The following NEGR1 variants were observed in gnomAD, a reference collection of about 807,000 sequenced individuals.
NEGR1 encodes neuronal growth regulator 1, also known as IgLON family member 4.
In NEGR1, 10 loss-of-function variants were observed where a neutral mutation model predicts 40.9. The observed-to-expected ratio is 0.24, with a 90% confidence interval of 0.15 to 0.42. NEGR1 has a LOEUF of 0.42. Among genes scored for constraint, NEGR1 ranks in the 10% least tolerant of loss-of-function variants. The pLI, the probability that NEGR1 is intolerant of heterozygous loss-of-function variation, is 1.00. For synonymous variants in NEGR1, 185 were observed against 166.8 expected (o/e 1.11, Z -0.84); for missense variants, 352 against 438.9 (o/e 0.80, Z 1.77).
At chr1:71,567,136 A>C (rs975113004) in intron 6 of NEGR1, among the ~76,000 whole-genome samples, 1 of 152,162 alleles carries the variant, frequency 6.6e-6, no homozygotes, top group African/African-American at 2.4e-5. Context: ...ACAGAAGAGA[A>C]TACATCTCAA....
intron 3 of NEGR1, among the ~76,000 whole-genome samples, chr1:71,762,629 G>A (rs1475153056): frequency 6.6e-6 from 1 of 152,028 alleles, no homozygotes; most frequent in African/African-American, 2.4e-5. Flanking sequence ...GAATGAACTT[G>A]ATATATACTA....
At chr1:71,822,176 T>C (rs1557665787) in intron 2 of NEGR1, among the ~76,000 whole-genome samples, 1 of 151,896 alleles carries the variant, frequency 6.6e-6, no homozygotes, top group Non-Finnish European at 1.5e-5. Context: ...GAAAGAGAAG[T>C]GGCACAGAAA....
chr1:71,746,094 T>A (rs1156358195), intron 3 of NEGR1, among the ~76,000 whole-genome samples: 2 of 152,178 alleles, frequency 1.3e-5, no homozygotes, highest in African/African-American at 2.4e-5. Flanking sequence ...TAGTTTTCCC[T>A]TATCTTTGGA....
At position 71,996,253 on chromosome 1, in the gene NEGR1, A is replaced by G. The variant is rs1279401104; in HGVS notation, c.177-60942T>C. 2.6e-5 allele frequency among the ~76,000 whole-genome samples: 4 copies of G among 152,144 alleles called. No individual in the cohort carries two copies. The East Asian group carries it at 5.8e-4, about 22-fold the overall frequency. On this transcript the variant is annotated intron_variant, in intron 1 of 6. Transcript: ENST00000357731. ...AAACATACTTTCTATCTCTTTATGT[A>G]ATAAACAAATATACACATTCACCTA...
intron 1 of NEGR1, among the ~76,000 whole-genome samples, chr1:72,008,632 C>T (rs1048130620): frequency 1.3e-5 from 2 of 152,072 alleles, no homozygotes; most frequent in African/African-American, 4.8e-5. Flanking sequence ...CTTCTATAAA[C>T]ACCTGTGATT....
intron 4 of NEGR1, among the ~76,000 whole-genome samples, chr1:71,655,606 A>T (rs1651850312): frequency 6.6e-6 from 1 of 152,156 alleles, no homozygotes; most frequent in African/African-American, 2.4e-5. Context: ...ATCCTAAAGG[A>T]TGGAAGTATC....
chr1:72,021,054 C>T (rs1646751798), intron 1 of NEGR1, among the ~76,000 whole-genome samples: 1 of 152,136 alleles, frequency 6.6e-6, no homozygotes, highest in South Asian at 2.1e-4. Context: ...CTAACACATA[C>T]TAAAAGTCCT....
intron 6 of NEGR1, among the ~76,000 whole-genome samples, chr1:71,419,848 G>A (rs938354850): frequency 6.6e-6 from 1 of 151,496 alleles, no homozygotes; most frequent in Non-Finnish European, 1.5e-5. Context: ...GACTTTGGGG[G>A]CAGGCACAAA....
At chr1:72,250,877 T>G (rs1192564686) in intron 1 of NEGR1, among the ~76,000 whole-genome samples, 3 of 152,174 alleles carry the variant, frequency 2.0e-5, no homozygotes, top group African/African-American at 7.2e-5. Flanking sequence ...TCACCCCCAC[T>G]GGGAAATAGC....
At chr1:72,177,527 T>A (rs1022799597) in intron 1 of NEGR1, among the ~76,000 whole-genome samples, 1 of 152,100 alleles carries the variant, frequency 6.6e-6, no homozygotes, top group African/African-American at 2.4e-5. Flanking sequence ...CTTCTTTTTA[T>A]GGAAATTAAT....
chr1:71,449,613 T>C (rs1363311663), intron 6 of NEGR1, among the ~76,000 whole-genome samples: 1 of 152,246 alleles, frequency 6.6e-6, no homozygotes, highest in Non-Finnish European at 1.5e-5. Context: ...TATTAAATTA[T>C]GTGCTAGTGT....
intron 1 of NEGR1, among the ~76,000 whole-genome samples, chr1:72,114,549 C>A (rs1021055962): frequency 1.3e-5 from 2 of 151,828 alleles, no homozygotes; most frequent in South Asian, 2.1e-4. Context: ...ATCTATCTAT[C>A]TGAGAGATAA....
chr1:71,751,809 T>C (rs1472258609), intron 3 of NEGR1, among the ~76,000 whole-genome samples: 4 of 152,094 alleles, frequency 2.6e-5, no homozygotes, highest in East Asian at 1.9e-4. Flanking sequence ...TCTCCATCAA[T>C]AGAAAAATGC....
chr1:71,579,528 G>C (rs920428102), intron 6 of NEGR1, among the ~76,000 whole-genome samples: 19 of 150,306 alleles, frequency 1.3e-4, no homozygotes, highest in African/African-American at 4.4e-4. Context: ...AAATAATTAA[G>C]AAGAATTGGA....
At chr1:71,849,376 G>T (rs906616182) in intron 2 of NEGR1, among the ~76,000 whole-genome samples, 3 of 152,144 alleles carry the variant, frequency 2.0e-5, no homozygotes, top group Admixed American at 6.6e-5. Flanking sequence ...ACTGGAATTC[G>T]AAGTGGAGCC....
intron 4 of NEGR1, among the ~76,000 whole-genome samples, chr1:71,665,640 A>G (rs1308107251): frequency 6.6e-6 from 1 of 152,170 alleles, no homozygotes; most frequent in Non-Finnish European, 1.5e-5. Context: ...ATTGAGCTCC[A>G]TCATTCTTCA....
chr1:71,867,395 A>C (rs1660149834), intron 2 of NEGR1, among the ~76,000 whole-genome samples: 1 of 152,212 alleles, frequency 6.6e-6, no homozygotes, highest in Non-Finnish European at 1.5e-5. Context: ...GAGGGGATTC[A>C]AATCTACTGG....
At chr1:72,254,388 C>T (rs1557599921) in intron 1 of NEGR1, among the ~76,000 whole-genome samples, 1 of 151,986 alleles carries the variant, frequency 6.6e-6, no homozygotes. Flanking sequence ...CCATCGCTCC[C>T]ACTTCATGTA....
intron 1 of NEGR1, among the ~76,000 whole-genome samples, chr1:71,976,525 G>A (rs1371039048): frequency 7.2e-5 from 11 of 152,176 alleles, no homozygotes; most frequent in Admixed American, 6.5e-4. Flanking sequence ...TCTGATTGAG[G>A]GAGACTGGCT....
Sources: allele counts gnomAD v4.1 joint callset (sites outside exome capture counted in the v4.1 genomes callset), GRCh38; gene constraint gnomAD v4.1.1; transcripts MANE v1.5; gene names NCBI Gene and HGNC (gene_info 2026-07-23, HGNC 2026-07-21).